Variants in MCTP1 observed in about 807,000 individuals in gnomAD.
The protein encoded by MCTP1 is multiple C2 and transmembrane domain-containing protein 1.
MCTP1 carries 69 observed loss-of-function variants against 120.6 expected under a neutral mutation model. That is an observed-to-expected ratio of 0.57 (90% CI 0.47 to 0.70). MCTP1 has a LOEUF of 0.70. Among genes scored for constraint, MCTP1 ranks in the 30% least tolerant of loss-of-function variants. The pLI, the probability that MCTP1 is intolerant of heterozygous loss-of-function variation, is 0.00. For synonymous variants in MCTP1, 529 were observed against 493.1 expected (o/e 1.07, Z -0.96); for missense variants, 1,203 against 1,248.8 (o/e 0.96, Z 0.55).
At chr5:94,909,484 G>C in intron 9 of MCTP1, 103 bp from the exon 10 acceptor site, 11 of 1,102,028 alleles carry the variant, frequency 1.0e-5, no homozygotes, top group Non-Finnish European at 1.4e-5. Context: ...ATCTAGAAAA[G>C]CACGCTGTGT....
At chr5:95,195,584 A>G (rs562999247) in intron 1 of MCTP1, among the ~76,000 whole-genome samples, 59 of 152,314 alleles carry the variant, frequency 3.9e-4, no homozygotes, top group Non-Finnish European at 2.9e-4. Flanking sequence ...TTTCAGGAGC[A>G]GAAAGTACAT....
rs184942864 is a variant in MCTP1 at position 95,036,031 on chromosome 5, A to G, written c.721-18547T>C. 2.0e-3 allele frequency among the ~76,000 whole-genome samples: 306 copies of G among 152,202 alleles called. 1 individual carries two copies. The highest frequency in any genetic ancestry group is 7.0e-3 in the African/African-American group (292 of 41,552). ...GATTTTATTTGTATTAACTCATCTG[A>G]CCTTTTGTCTTTTTGTGAGTTCCCA... On this transcript the variant is annotated intron_variant, in intron 1 of 22. Transcript: ENST00000515393.
At chr5:94,914,457 G>A (rs1173229464) in intron 8 of MCTP1, among the ~76,000 whole-genome samples, 1 of 152,140 alleles carries the variant, frequency 6.6e-6, no homozygotes. Context: ...GCTTCTATTA[G>A]GAAAATGAAA....
At chr5:94,744,105 G>A (rs1321181937) in intron 19 of MCTP1, among the ~76,000 whole-genome samples, 1 of 151,970 alleles carries the variant, frequency 6.6e-6, no homozygotes, top group Non-Finnish European at 1.5e-5. Context: ...GGAGTAGCTG[G>A]AACTACAGAT....
At chr5:95,088,773 A>G (rs1036120687) in intron 1 of MCTP1, among the ~76,000 whole-genome samples, 11 of 152,218 alleles carry the variant, frequency 7.2e-5, no homozygotes, top group Admixed American at 3.3e-4. Flanking sequence ...AGCCTGTGAA[A>G]TAACACTACA....
chr5:95,002,305 G>A (rs1305307634), intron 2 of MCTP1, among the ~76,000 whole-genome samples: 1 of 152,206 alleles, frequency 6.6e-6, no homozygotes, highest in Non-Finnish European at 1.5e-5. Context: ...CTGGGGCACT[G>A]CCTAGTGGAG....
intron 1 of MCTP1, among the ~76,000 whole-genome samples, chr5:95,070,176 A>G (rs1562108994): frequency 6.6e-6 from 1 of 152,220 alleles, no homozygotes; most frequent in East Asian, 1.9e-4. Flanking sequence ...TATCAGCACC[A>G]GGTCCATGGA....
In MCTP1 at chr5:94,717,652, A is replaced by G. The variant is rs140675062; in HGVS notation, c.2611-2766T>C. On this transcript the variant is annotated intron_variant, in intron 19 of 22. Coordinates refer to ENST00000515393, the MANE Select transcript of MCTP1 (RefSeq NM_024717.7). ...TGTCTCAATCCTAAAGCTTAAGCTG[A>G]TAAGCAACTTCAGCAAAGTCTCAGG... 4.2e-3 allele frequency among the ~76,000 whole-genome samples: 642 copies of G among 152,300 alleles called. 2 individuals are homozygous for G. Among genetic ancestry groups the G allele is most frequent in the Non-Finnish European group, 6.6e-3 (450 of 68,020 alleles).
rs547269061 is a variant in MCTP1 at position 95,173,632 on chromosome 5, G to C, written c.720+110224C>G. On this transcript the variant is annotated intron_variant, in intron 1 of 22. Coordinates refer to ENST00000515393, the MANE Select transcript of MCTP1 (RefSeq NM_024717.7). Reference sequence around the variant, plus strand: ...CTCCTGGCCACATAATTGACATTTAGAGCAATTTACCAGAGTATATATTCA... The same window carrying C: ...CTCCTGGCCACATAATTGACATTTACAGCAATTTACCAGAGTATATATTCA... Among the ~76,000 whole-genome samples the C allele has an allele frequency of 3.3e-4, 50 of 152,156 alleles. No homozygotes were observed. In the South Asian group the frequency reaches 9.5e-3, roughly 29 times the overall value.
chr5:94,844,057 C>G (rs1373243306), intron 17 of MCTP1, among the ~76,000 whole-genome samples: 1 of 152,034 alleles, frequency 6.6e-6, no homozygotes, highest in African/African-American at 2.4e-5. Context: ...AATCTCAACA[C>G]TTTGGGAGGC....
intron 1 of MCTP1, among the ~76,000 whole-genome samples, chr5:95,048,415 G>A (rs1405259480): frequency 6.6e-6 from 1 of 152,158 alleles, no homozygotes; most frequent in Non-Finnish European, 1.5e-5. Context: ...TATGCCCACT[G>A]TTGTCCTGCT....
intron 1 of MCTP1, among the ~76,000 whole-genome samples, chr5:95,224,715 G>A (rs1367880630): frequency 6.6e-6 from 1 of 151,966 alleles, no homozygotes; most frequent in East Asian, 1.9e-4. Context: ...TCACTATGTT[G>A]CCCAGGCTGG....
intron 1 of MCTP1, among the ~76,000 whole-genome samples, chr5:95,142,415 T>C (rs1187677691): frequency 6.6e-6 from 1 of 152,254 alleles, no homozygotes; most frequent in Non-Finnish European, 1.5e-5. Flanking sequence ...GATTTCTATA[T>C]AAGGAACAAC....
intron 1 of MCTP1, among the ~76,000 whole-genome samples, chr5:95,167,380 T>A (rs887941102): frequency 2.0e-5 from 3 of 152,338 alleles, no homozygotes; most frequent in Middle Eastern, 6.8e-3. Context: ...CATGTGCACA[T>A]GTCTTTATAG....
chr5:95,182,056 G>A (rs1349027236), intron 1 of MCTP1, among the ~76,000 whole-genome samples: 1 of 152,176 alleles, frequency 6.6e-6, no homozygotes, highest in Non-Finnish European at 1.5e-5. Context: ...AAAATAAAAT[G>A]TAAATAGAGT....
intron 18 of MCTP1, among the ~76,000 whole-genome samples, chr5:94,796,937 C>T (rs1305258941): frequency 6.6e-6 from 1 of 151,768 alleles, no homozygotes; most frequent in Non-Finnish European, 1.5e-5. Flanking sequence ...GTTGGCATTC[C>T]ATGAGAGTTA....
At chr5:95,077,734 A>C (rs1383924526) in intron 1 of MCTP1, among the ~76,000 whole-genome samples, 2 of 152,124 alleles carry the variant, frequency 1.3e-5, no homozygotes, top group African/African-American at 2.4e-5. Flanking sequence ...GGCCTCCCAA[A>C]GTGCTGGGAT....
At chr5:94,896,343 G>A (rs781779846) in intron 10 of MCTP1, among the ~76,000 whole-genome samples, 44 of 152,134 alleles carry the variant, frequency 2.9e-4, no homozygotes, top group Non-Finnish European at 5.1e-4. Context: ...GAGAATTGAC[G>A]AGAGACTATA....
At chr5:95,209,334 T>A (rs780710001) in intron 1 of MCTP1, among the ~76,000 whole-genome samples, 1 of 152,326 alleles carries the variant, frequency 6.6e-6, no homozygotes, top group Middle Eastern at 3.4e-3. Context: ...ACTTAGTCCA[T>A]GGTCTCTGAA....
Sources: allele counts gnomAD v4.1 joint callset (sites outside exome capture counted in the v4.1 genomes callset), GRCh38; gene constraint gnomAD v4.1.1; transcripts MANE v1.5; gene names NCBI Gene and HGNC (gene_info 2026-07-23, HGNC 2026-07-21).